The following SLIT3 variants were observed in gnomAD, a reference collection of about 807,000 sequenced individuals.
The protein encoded by SLIT3 is slit homolog 3 protein.
Under a neutral mutation model 184.0 loss-of-function variants are expected in SLIT3, and 68 were observed. That is an observed-to-expected ratio of 0.37 (90% CI 0.30 to 0.45). The LOEUF (loss-of-function observed/expected upper bound fraction) is 0.45, where lower values mean the gene tolerates loss of function less well. Among genes scored for constraint, SLIT3 ranks in the 20% least tolerant of loss-of-function variants. The pLI, the probability that SLIT3 is intolerant of heterozygous loss-of-function variation, is 1.00. For synonymous variants in SLIT3, 831 were observed against 828.6 expected (o/e 1.00, Z -0.05); for missense variants, 1,707 against 2,026.0 (o/e 0.84, Z 3.02).
chr5:168,876,174 G>C (rs1253182759), intron 5 of SLIT3, among the ~76,000 whole-genome samples: 1 of 152,086 alleles, frequency 6.6e-6, no homozygotes, highest in Non-Finnish European at 1.5e-5. Flanking sequence ...GCTAGCCCCT[G>C]AGTCCCTGCA....
chr5:169,122,345 C>T lies in SLIT3; in HGVS notation c.413+71134G>A, dbSNP rs116015351. Among the ~76,000 whole-genome samples the T allele has an allele frequency of 1.1e-3, 160 of 152,256 alleles. 1 individual carries two copies. Among genetic ancestry groups the T allele is most frequent in the African/African-American group, 3.2e-3 (133 of 41,550 alleles). On this transcript the variant is annotated intron_variant, in intron 4 of 35. Coordinates refer to ENST00000519560, the MANE Select transcript of SLIT3 (RefSeq NM_003062.4). Reference sequence around the variant, plus strand: ...TTCTAACCCTGAAATTAAAACAAGGCCATCCAAGTCTCTGGGGTCAGGGAT... The same window carrying T: ...TTCTAACCCTGAAATTAAAACAAGGTCATCCAAGTCTCTGGGGTCAGGGAT...
At chr5:168,734,227 C>T (rs1763368685) in intron 20 of SLIT3, among the ~76,000 whole-genome samples, 1 of 152,148 alleles carries the variant, frequency 6.6e-6, no homozygotes, top group South Asian at 2.1e-4. Flanking sequence ...TACAAAATAC[C>T]TTCACAGCAA....
At chr5:169,049,122 C>T (rs1334044868) in intron 4 of SLIT3, among the ~76,000 whole-genome samples, 3 of 152,166 alleles carry the variant, frequency 2.0e-5, no homozygotes, top group Non-Finnish European at 4.4e-5. Context: ...TTAGTCAAGA[C>T]CTATGTCACA....
chr5:169,174,976 C>T (rs1168928017), intron 4 of SLIT3, among the ~76,000 whole-genome samples: 1 of 152,184 alleles, frequency 6.6e-6, no homozygotes, highest in African/African-American at 2.4e-5. Flanking sequence ...GTTCTTGGCT[C>T]CTGACTGTGT....
chr5:168,812,419 A>G (rs1163501021), intron 8 of SLIT3, among the ~76,000 whole-genome samples: 3 of 152,248 alleles, frequency 2.0e-5, no homozygotes, highest in African/African-American at 7.2e-5. Flanking sequence ...TGATTTTTAC[A>G]TAATATATAC....
intron 8 of SLIT3, among the ~76,000 whole-genome samples, chr5:168,809,329 T>G (rs1224986390): frequency 6.6e-6 from 1 of 152,150 alleles, no homozygotes; most frequent in Non-Finnish European, 1.5e-5. Flanking sequence ...TGAAAAAGAT[T>G]CCTTAACCAG....
At chr5:169,288,353 G>A in intron 1 of SLIT3, among the ~76,000 whole-genome samples, 1 of 61,602 alleles carries the variant, frequency 1.6e-5, no homozygotes, top group East Asian at 9.8e-4. Flanking sequence ...TTTCCCCCTT[G>A]AGTTTTTTTT....
At chr5:168,893,745 CG>C (rs1760558465) in intron 4 of SLIT3, among the ~76,000 whole-genome samples, 1 of 152,006 alleles carries the variant, frequency 6.6e-6, no homozygotes, top group Non-Finnish European at 1.5e-5. Flanking sequence ...GGCAGGGGAA[CG>C]TTTATGAAAT....
chr5:168,735,124 T>G (rs1481426008), intron 20 of SLIT3, among the ~76,000 whole-genome samples: 1 of 152,188 alleles, frequency 6.6e-6, no homozygotes, highest in African/African-American at 2.4e-5. Flanking sequence ...GCCTTAGAAC[T>G]GCCGGAGTGT....
chr5:168,715,963 C>T lies in SLIT3; in HGVS notation c.2484-3609G>A, dbSNP rs987107019. Among the ~76,000 whole-genome samples, 92 of 151,420 alleles carry T rather than the reference C, an allele frequency of 6.1e-4. 1 individual carries two copies. Among genetic ancestry groups the T allele is most frequent in the Admixed American group, 6.0e-3 (91 of 15,172 alleles). On this transcript the variant is annotated intron_variant, in intron 23 of 35. Transcript: ENST00000519560. ...CTGGAATTACAGGCATGAGCCACTG[C>T]GCCCAGCCTACATATTTCTTTTTCA...
At chr5:169,099,100 C>T (rs944418832) in intron 4 of SLIT3, among the ~76,000 whole-genome samples, 2 of 152,098 alleles carry the variant, frequency 1.3e-5, no homozygotes, top group African/African-American at 4.8e-5. Context: ...TTCCCTACCC[C>T]AGCCCCTCTC....
intron 4 of SLIT3, among the ~76,000 whole-genome samples, chr5:169,044,993 GAGA>G (rs1251711731): frequency 1.3e-5 from 2 of 152,194 alleles, no homozygotes; most frequent in Non-Finnish European, 2.9e-5. Context: ...ATCACGGGAT[GAGA>G]AGAACTCCTC....
chr5:169,089,555 T>G (rs1003534546), intron 4 of SLIT3, among the ~76,000 whole-genome samples: 7 of 152,148 alleles, frequency 4.6e-5, no homozygotes, highest in Admixed American at 1.3e-4. Context: ...CCAAATCCCG[T>G]GCACTCTCTG....
chr5:168,801,530 T>C (rs1237491701), intron 9 of SLIT3, among the ~76,000 whole-genome samples: 1 of 152,102 alleles, frequency 6.6e-6, no homozygotes, highest in Non-Finnish European at 1.5e-5. Context: ...TTAGCTTCCA[T>C]AGCAGAAGAT....
intron 4 of SLIT3, among the ~76,000 whole-genome samples, chr5:169,145,701 A>C (rs1227467162): frequency 6.6e-6 from 1 of 152,196 alleles, no homozygotes. Context: ...CTCTGGAATA[A>C]TGCTCAAGTC....
At chr5:168,754,594 T>C (rs1257002331) in intron 16 of SLIT3, among the ~76,000 whole-genome samples, 2 of 152,154 alleles carry the variant, frequency 1.3e-5, no homozygotes, top group East Asian at 1.9e-4. Context: ...TTAACAACAA[T>C]ATGTATTTCA....
chr5:169,154,274 T>C (rs1398634374), intron 4 of SLIT3, among the ~76,000 whole-genome samples: 1 of 152,184 alleles, frequency 6.6e-6, no homozygotes, highest in African/African-American at 2.4e-5. Context: ...CTGCCAGCCT[T>C]TTCAGAGCTC....
At chr5:168,956,338 C>T (rs142794990) in intron 4 of SLIT3, among the ~76,000 whole-genome samples, 47 of 152,136 alleles carry the variant, frequency 3.1e-4, no homozygotes, top group Admixed American at 7.2e-4. Flanking sequence ...AGATGTTCTC[C>T]GTATGTGAGA....
In SLIT3 at chr5:168,703,517, C is replaced by T. The variant is rs565733124; in HGVS notation, c.2845-2838G>A. On this transcript the variant is annotated intron_variant, in intron 26 of 35. Coordinates refer to ENST00000519560, the MANE Select transcript of SLIT3 (RefSeq NM_003062.4). Reference sequence around the variant, plus strand: ...ATGCGAGGGATCTAGGTTGCACGCTCCTTATGAGAATCTAACTAATACCTG... The same window carrying T: ...ATGCGAGGGATCTAGGTTGCACGCTTCTTATGAGAATCTAACTAATACCTG... Among the ~76,000 whole-genome samples the T allele has an allele frequency of 2.7e-4, 41 of 152,078 alleles. No individual in the cohort carries two copies. In the South Asian group the frequency reaches 7.9e-3, roughly 29 times the overall value.
Sources: allele counts gnomAD v4.1 joint callset (sites outside exome capture counted in the v4.1 genomes callset), GRCh38; gene constraint gnomAD v4.1.1; transcripts MANE v1.5; gene names NCBI Gene and HGNC (gene_info 2026-07-23, HGNC 2026-07-21).